Variants in CEP63 observed in about 807,000 individuals in gnomAD.
The protein encoded by CEP63 is centrosomal protein of 63 kDa.
CEP63 carries 84 observed loss-of-function variants against 89.1 expected under a neutral mutation model. The ratio of observed to expected loss-of-function variants is 0.94; its 90% CI spans 0.79 to 1.13. CEP63 has a LOEUF of 1.13. CEP63 is among the 50% of genes most tolerant of loss of function. The pLI is 0.00. For missense variants in CEP63, 838 were observed against 813.3 expected (o/e 1.03, Z -0.37); for synonymous variants, 267 against 272.5 (o/e 0.98, Z 0.20).
At chr3:134,668,217 G>A in the CEP63 span, among the ~76,000 whole-genome samples, 1 of 152,196 alleles carries the variant, frequency 6.6e-6, no homozygotes, top group Admixed American at 6.5e-5. Context: ...GTTGGTCTGG[G>A]GGCTACACTG....
chr3:134,559,269 C>A lies in CEP63; in HGVS notation c.1793C>A (p.Pro598His). 6.2e-7 allele frequency: 1 copy of A among 1,614,136 alleles called. No homozygotes were observed. The highest frequency in any genetic ancestry group is 1.6e-4 in the Middle Eastern group (1 of 6,062). The change falls in exon 14 of 15, where the codon CCC becomes CAC. Residue 598 changes from proline (P) to histidine (H), a missense_variant. Transcript: ENST00000675561. Reference protein sequence around the residue: ...SINPMSRVLSPLSPQISPCSS... With the variant: ...SINPMSRVLSHLSPQISPCSS... ...AACCCCATGTCTAGGGTGCTAAGCC[C>A]CCTGAGTCCTCAAATCAGCCCTTGC...
chr3:134,713,397 C>T, the CEP63 span, among the ~76,000 whole-genome samples: 1 of 122,498 alleles, frequency 8.2e-6, no homozygotes, highest in Non-Finnish European at 1.6e-5. Context: ...ATTCCTTGCT[C>T]TTAAATAGAA....
the CEP63 span, among the ~76,000 whole-genome samples, chr3:134,609,486 GT>G: frequency 6.6e-6 from 1 of 152,304 alleles, no homozygotes; most frequent in Non-Finnish European, 1.5e-5. Flanking sequence ...ATGTGTGGGA[GT>G]GTCAAGATTT....
intron 6 of CEP63, among the ~76,000 whole-genome samples, 198 bp downstream of exon 6, chr3:134,537,466 A>G (rs1427480960): frequency 6.6e-6 from 1 of 150,806 alleles, no homozygotes; most frequent in Non-Finnish European, 1.5e-5. Flanking sequence ...GCGTGCATTC[A>G]CTCTCCTGTC....
the CEP63 span, among the ~76,000 whole-genome samples, chr3:134,716,012 A>T: frequency 6.6e-6 from 1 of 152,160 alleles, no homozygotes; most frequent in African/African-American, 2.4e-5. Flanking sequence ...CCCTATAATA[A>T]ATAACATCAA....
In CEP63 at chr3:134,538,474, G is replaced by GT. The variant is rs200279728; in HGVS notation, c.555+1213dup. On this transcript the variant is annotated intron_variant, in intron 6 of 14. Transcript: ENST00000675561. Reference sequence around the variant, plus strand: ...GTGAAATCCTGAGATGTCTGGACCAGTTTTTTTGACTTGAATGCCAAAGCA... The same window carrying GT: ...GTGAAATCCTGAGATGTCTGGACCAGTTTTTTTTGACTTGAATGCCAAAGCA... 3.3e-3 allele frequency among the ~76,000 whole-genome samples: 462 copies of GT among 138,176 alleles called. 17 individuals carry two copies. In the East Asian group the frequency reaches 0.088, roughly 26 times the overall value. 90.6% of individuals were successfully genotyped at this position (138,176 alleles called of 152,430 possible).
At chr3:134,608,196 C>T in the CEP63 span, 8 of 1,175,380 alleles carry the variant, frequency 6.8e-6, no homozygotes. Flanking sequence ...GGGAAGAGAA[C>T]ACAGCAGGCC....
At chr3:134,552,305 A>C (rs1172016352) in intron 12 of CEP63, 2 of 206,542 alleles carry the variant, frequency 9.7e-6, no homozygotes, top group East Asian at 2.7e-4. Flanking sequence ...CCGGGTTCAA[A>C]TGATGCTCCT....
At chr3:134,507,363 T>G in intron 3 of CEP63, 77 bp downstream of exon 3, 2 of 1,140,344 alleles carry the variant, frequency 1.8e-6, no homozygotes, top group South Asian at 2.8e-5. Context: ...TAAGTATTTG[T>G]TGAAGAAAGA....
intron 1 of CEP63, 84 bp from the exon 2 acceptor site, chr3:134,495,212 T>A: frequency 1.0e-6 from 1 of 963,914 alleles, no homozygotes; most frequent in Non-Finnish European, 1.7e-6. Flanking sequence ...ATGTATGCTT[T>A]CATTCACATT....
At chr3:134,725,737 G>A in the CEP63 span, among the ~76,000 whole-genome samples, 1 of 152,214 alleles carries the variant, frequency 6.6e-6, no homozygotes, top group African/African-American at 2.4e-5. Context: ...ACAGGCCTCA[G>A]AGTTGTTAGG....
At chr3:134,547,259 G>C (rs1274909161) in intron 8 of CEP63, 76 bp from the exon 9 acceptor site, 1 of 1,394,180 alleles carries the variant, frequency 7.2e-7, no homozygotes, top group African/African-American at 1.4e-5. Context: ...AAATGATGGG[G>C]AAACACAGAC....
chr3:134,588,846 T>C (rs2107681640), downstream of CEP63, among the ~76,000 whole-genome samples: 1 of 152,116 alleles, frequency 6.6e-6, no homozygotes, highest in East Asian at 1.9e-4. Context: ...AATGTAAAGA[T>C]ACAAATTACA....
the CEP63 span, among the ~76,000 whole-genome samples, chr3:134,715,295 G>A: frequency 6.6e-6 from 1 of 152,156 alleles, no homozygotes. Context: ...TTGAAGGTCA[G>A]CTACTCCAGG....
At chr3:134,642,997 T>C in the CEP63 span, among the ~76,000 whole-genome samples, 6 of 152,194 alleles carry the variant, frequency 3.9e-5, no homozygotes, top group African/African-American at 1.2e-4. Context: ...GCAGGGTGTC[T>C]GGCACATAGT....
chr3:134,508,779 G>A (rs985151894), intron 3 of CEP63, among the ~76,000 whole-genome samples: 2 of 152,172 alleles, frequency 1.3e-5, no homozygotes, highest in Non-Finnish European at 2.9e-5. Flanking sequence ...ATATGAAGAT[G>A]TTAAGTTTGG....
the CEP63 span, among the ~76,000 whole-genome samples, chr3:134,664,264 T>C: frequency 2.1e-4 from 32 of 152,332 alleles, no homozygotes; most frequent in African/African-American, 7.7e-4. Flanking sequence ...GAGTCACAGC[T>C]TCAGCCTCCT....
intron 3 of CEP63, among the ~76,000 whole-genome samples, chr3:134,528,434 G>A (rs528485200): frequency 6.6e-6 from 1 of 152,272 alleles, no homozygotes; most frequent in African/African-American, 2.4e-5. Context: ...TCCGTAGTCA[G>A]CTTCCATGCT....
At chr3:134,757,413 CAGTT>C in the CEP63 span, among the ~76,000 whole-genome samples, 1 of 152,188 alleles carries the variant, frequency 6.6e-6, no homozygotes. Flanking sequence ...CATGGTCAAA[CAGTT>C]AGACTCTGGG....
Sources: gnomAD v4.1 joint callset for allele counts (sites outside exome capture counted in the v4.1 genomes callset) on GRCh38, gnomAD v4.1.1 for gene constraint, MANE v1.5 for transcripts, NCBI Gene and HGNC (gene_info 2026-07-23, HGNC 2026-07-21) for gene names.